TNPO3: variants seen among roughly 807,000 people sequenced by gnomAD.
The protein encoded by TNPO3 is transportin-3.
Under a neutral mutation model 122.8 loss-of-function variants are expected in TNPO3, and 65 were observed. That is an observed-to-expected ratio of 0.53 (90% CI 0.43 to 0.65). The LOEUF (loss-of-function observed/expected upper bound fraction) is 0.65. TNPO3 is among the 30% of genes least tolerant of loss of function. The pLI is 0.00. For missense variants in TNPO3, 850 were observed against 1,136.7 expected (o/e 0.75, Z 3.63); for synonymous variants, 372 against 411.2 (o/e 0.90, Z 1.15).
In TNPO3 at chr7:129,051,881, C is replaced by T. The variant is rs10278946; in HGVS notation, c.120+2770G>A. ...CTGGTCTCAAACCCCTGACCTCAAG[C>T]GATCCGCCCGCCTCAGCCTCCCAAA... On this transcript the variant is annotated intron_variant, in intron 1 of 22. Coordinates refer to ENST00000265388, the MANE Select transcript of TNPO3 (RefSeq NM_012470.4). Among the ~76,000 whole-genome samples, 1,506 of 152,202 alleles carry T rather than the reference C, an allele frequency of 9.9e-3. 21 individuals carry two copies. The highest frequency in any genetic ancestry group is 0.034 in the African/African-American group (1,412 of 41,518).
intron 19 of TNPO3, among the ~76,000 whole-genome samples, chr7:128,972,093 T>C (rs1252719547): frequency 1.3e-5 from 2 of 152,228 alleles, no homozygotes; most frequent in Non-Finnish European, 2.9e-5. Context: ...TACTCCAGCC[T>C]AGGCGACAGA....
At position 129,054,776 on chromosome 7, in the gene TNPO3, T is replaced by C; in HGVS notation, c.-6A>G. 3.1e-6 allele frequency: 5 copies of C among 1,614,000 alleles called. No homozygotes were observed. The highest frequency in any genetic ancestry group is 3.4e-6 in the Non-Finnish European group (4 of 1,179,966). ...GTCGGCTTTGCTCCTTCCATGGTGG[T>C]GGCGGTAGTGGCGGTAGCGACGGCT... is the stretch of plus-strand genomic sequence containing the variant. On this transcript the variant is annotated 5_prime_UTR_variant, in exon 1 of 23. Coordinates refer to ENST00000265388, the MANE Select transcript of TNPO3 (RefSeq NM_012470.4).
At position 129,046,363 on chromosome 7, in the gene TNPO3, T is replaced by C. The variant is rs1043930453; in HGVS notation, c.120+8288A>G. ...ATTATTTACATACTCCCAGTTTCTA[T>C]CAGTGCAAGGCACAGAGTATTCCTA... On this transcript the variant is annotated intron_variant, in intron 1 of 22. Coordinates refer to ENST00000265388, the MANE Select transcript of TNPO3 (RefSeq NM_012470.4). 1.3e-5 allele frequency among the ~76,000 whole-genome samples: 2 copies of C among 152,310 alleles called. 1 individual carries two copies. Among genetic ancestry groups the C allele is most frequent in the South Asian group, 4.1e-4 (2 of 4,826 alleles).
chr7:128,968,558 T>A (rs561083500), intron 20 of TNPO3, among the ~76,000 whole-genome samples: 39 of 152,344 alleles, frequency 2.6e-4, no homozygotes, highest in African/African-American at 9.4e-4. Flanking sequence ...TACCTAATTT[T>A]TTTTACATTA....
At position 128,984,172 on chromosome 7, in the gene TNPO3, T is replaced by C. The variant is rs780101608; in HGVS notation, c.1778A>G (p.Lys593Arg). Residue 593 changes from lysine to arginine, a missense_variant, in exon 13 of 23, where the codon AAA (lysine) becomes AGA (arginine). Coordinates refer to ENST00000265388, the MANE Select transcript of TNPO3 (RefSeq NM_012470.4). ...ACCTTCCTTAATTGGACTTACCTTT[T>C]TCAATGCCATAACCTGAACAGAACA... Reference protein sequence around the residue: ...ELCSVQVMALKKLLSQEPSNG... With the variant: ...ELCSVQVMALRKLLSQEPSNG... 1 of 1,589,032 alleles carries C rather than the reference T, an allele frequency of 6.3e-7. No homozygotes were observed. Among genetic ancestry groups the C allele is most frequent in the East Asian group, 2.3e-5 (1 of 44,144 alleles).
At chr7:128,983,597 G>A (rs919761129) in intron 13 of TNPO3, among the ~76,000 whole-genome samples, 2 of 152,186 alleles carry the variant, frequency 1.3e-5, no homozygotes, top group African/African-American at 4.8e-5. Flanking sequence ...TTATTAAACT[G>A]TCAGAGTTAT....
intron 18 of TNPO3, among the ~76,000 whole-genome samples, chr7:128,972,840 T>G (rs919043218): frequency 6.6e-6 from 1 of 152,170 alleles, no homozygotes; most frequent in African/African-American, 2.4e-5. Context: ...AAGCCTAATG[T>G]AAACTATGGA....
Position 129,017,062 on chromosome 7 carries a change from T to A in TNPO3, c.322-6A>T, listed in dbSNP as rs771818909. On this transcript the variant is annotated splice_region_variant and splice_polypyrimidine_tract_variant and intron_variant, in intron 2 of 22. Coordinates refer to ENST00000265388, the MANE Select transcript of TNPO3 (RefSeq NM_012470.4). ...TCTGCTATTGCTAAAGCCAGCTGAATAAGAGAGATTAAATAAATGAAGACA... is the reference window on the plus strand; with the variant it reads ...TCTGCTATTGCTAAAGCCAGCTGAAAAAGAGAGATTAAATAAATGAAGACA... The A allele has an allele frequency of 1.2e-6, 2 of 1,609,554 alleles. No homozygotes were observed. Among genetic ancestry groups the A allele is most frequent in the Non-Finnish European group, 1.7e-6 (2 of 1,178,826 alleles).
At chr7:128,964,129 G>A (rs1797713772) in intron 21 of TNPO3, among the ~76,000 whole-genome samples, 1 of 152,110 alleles carries the variant, frequency 6.6e-6, no homozygotes. Flanking sequence ...AAATGTAGCT[G>A]AAAGAAATTA....
At chr7:129,000,348 T>C in intron 7 of TNPO3, 81 bp downstream of exon 7, 15 of 1,357,900 alleles carry the variant, frequency 1.1e-5, no homozygotes, top group East Asian at 2.4e-5. Flanking sequence ...CAATAAAAAT[T>C]TGGGCACGAG....
intron 11 of TNPO3, 33 bp downstream of exon 11, chr7:128,989,928 T>C: frequency 6.3e-7 from 1 of 1,598,284 alleles, no homozygotes; most frequent in Non-Finnish European, 8.6e-7. Context: ...AAATGACAAG[T>C]TAGAAGTGGC....
chr7:129,042,183 T>C (rs1477546963), intron 1 of TNPO3, among the ~76,000 whole-genome samples: 1 of 152,142 alleles, frequency 6.6e-6, no homozygotes, highest in East Asian at 1.9e-4. Context: ...CTCTGGCAAA[T>C]AGAAAATAAA....
intron 15 of TNPO3, 46 bp from the exon 16 acceptor site, chr7:128,979,169 T>C (rs1469999134): frequency 1.2e-6 from 2 of 1,606,384 alleles, no homozygotes; most frequent in Non-Finnish European, 1.7e-6. Flanking sequence ...AATCAACAAC[T>C]AGGACCTGAA....
intron 1 of TNPO3, among the ~76,000 whole-genome samples, chr7:129,024,772 C>T (rs1003243813): frequency 2.0e-5 from 3 of 152,144 alleles, no homozygotes; most frequent in Non-Finnish European, 4.4e-5. Context: ...ACCTGTAGCC[C>T]CAGCACTCTG....
At chr7:129,043,816 C>T in intron 1 of TNPO3, among the ~76,000 whole-genome samples, 1 of 152,216 alleles carries the variant, frequency 6.6e-6, no homozygotes, top group East Asian at 1.9e-4. Flanking sequence ...ACTAGGCAGT[C>T]TTGCTTTAAA....
intron 14 of TNPO3, among the ~76,000 whole-genome samples, chr7:128,980,535 G>C (rs1240337804): frequency 6.6e-6 from 1 of 152,124 alleles, no homozygotes; most frequent in Non-Finnish European, 1.5e-5. Context: ...TATAATCCCA[G>C]CTACTTGGGA....
intron 17 of TNPO3, among the ~76,000 whole-genome samples, chr7:128,975,554 C>T (rs1052645320): frequency 6.6e-6 from 1 of 152,154 alleles, no homozygotes; most frequent in Non-Finnish European, 1.5e-5. Context: ...CCTCCTCCCC[C>T]CTCCAAACAC....
intron 1 of TNPO3, among the ~76,000 whole-genome samples, chr7:129,022,704 C>T (rs1275940416): frequency 6.6e-6 from 1 of 152,092 alleles, no homozygotes; most frequent in Non-Finnish European, 1.5e-5. Flanking sequence ...GTGACTTGAA[C>T]ACTTCATGAA....
intron 1 of TNPO3, among the ~76,000 whole-genome samples, chr7:129,035,935 TTTTTC>T (rs1224789081): frequency 1.4e-4 from 18 of 126,094 alleles, no homozygotes; most frequent in Middle Eastern, 3.9e-3. Context: ...GTATGTGTGT[TTTTTC>T]TTTTCTTTTC....
Sources: allele counts gnomAD v4.1 joint callset (sites outside exome capture counted in the v4.1 genomes callset), GRCh38; gene constraint gnomAD v4.1.1; transcripts MANE v1.5; gene names NCBI Gene and HGNC (gene_info 2026-07-23, HGNC 2026-07-21).